The following TSPAN16 variants were observed in gnomAD, a reference collection of about 807,000 sequenced individuals.
TSPAN16 encodes tetraspanin-16.
In TSPAN16, 23 loss-of-function variants were observed where a neutral mutation model predicts 25.2. The observed-to-expected ratio is 0.91, with a 90% CI of 0.66 to 1.29. TSPAN16 has a LOEUF of 1.29. Ranked by LOEUF, TSPAN16 falls within the 50% of genes most tolerant of loss-of-function variation. The pLI is 0.00. For synonymous variants in TSPAN16, 123 were observed against 124.4 expected, an observed-to-expected ratio of 0.99 and a Z score of 0.08; for missense variants, 272 against 299.9, an observed-to-expected ratio of 0.91 and a Z score of 0.69.
intron 3 of TSPAN16, 42 bp from the exon 4 acceptor site, chr19:11,301,159 T>C (rs1308691403): frequency 6.4e-7 from 1 of 1,556,744 alleles, no homozygotes; most frequent in Non-Finnish European, 8.9e-7. Flanking sequence ...CGGGCCACTC[T>C]TGCTAGTTGG....
At chr19:11,311,338 G>A (rs2080689860) in intron 5 of TSPAN16, among the ~76,000 whole-genome samples, 1 of 151,616 alleles carries the variant, frequency 6.6e-6, no homozygotes, top group East Asian at 1.9e-4. Flanking sequence ...GTTTCACCAT[G>A]TTAACCAGTA....
chr19:11,321,126 A>G (rs964660424), intron 6 of TSPAN16, among the ~76,000 whole-genome samples: 11 of 151,558 alleles, frequency 7.3e-5, no homozygotes, highest in East Asian at 1.9e-4. Context: ...CCAAGATGGC[A>G]CCACTGCACT....
chr19:11,310,234 G>A (rs2080675448), intron 5 of TSPAN16, among the ~76,000 whole-genome samples: 2 of 152,026 alleles, frequency 1.3e-5, no homozygotes, highest in Non-Finnish European at 2.9e-5. Context: ...AGTGCAGGAA[G>A]AAGGAAGAAG....
downstream of TSPAN16, among the ~76,000 whole-genome samples, chr19:11,319,154 G>A (rs967357540): frequency 4.6e-5 from 7 of 152,158 alleles, no homozygotes; most frequent in African/African-American, 9.7e-5. Flanking sequence ...ATCAAGTATT[G>A]AGTTCCCAGG....
Position 11,301,191 on chromosome 19 carries a change from T to C in TSPAN16, c.343-10T>C, listed in dbSNP as rs750077627. On this transcript the variant is annotated splice_polypyrimidine_tract_variant and intron_variant, in intron 3 of 6. Coordinates refer to ENST00000590327, the MANE Select transcript of TSPAN16 (RefSeq NM_001282509.2). ...TTGGGGTACTGATCACTTCCTGTCC[T>C]CTCTGTGAGGTTGGAGATGTGGCCT... The C allele has an allele frequency of 3.7e-6, 6 of 1,612,248 alleles. No individual in the cohort carries two copies. The highest frequency in any genetic ancestry group is 4.2e-6 in the Non-Finnish European group (5 of 1,178,578).
chr19:11,325,384 G>A (rs1568298866), intron 6 of TSPAN16: 1 of 1,511,604 alleles, frequency 6.6e-7, no homozygotes, highest in South Asian at 1.2e-5. Flanking sequence ...TGGGTGGGGG[G>A]TTGGGGGCCA....
chr19:11,313,407 A>G (rs548036472), intron 6 of TSPAN16, among the ~76,000 whole-genome samples: 8 of 152,020 alleles, frequency 5.3e-5, no homozygotes, highest in Non-Finnish European at 8.8e-5. Context: ...AGCTGAGATT[A>G]CAGCTGGGAT....
intron 1 of TSPAN16, 80 bp from the exon 2 acceptor site, chr19:11,298,062 A>C: frequency 1.4e-6 from 2 of 1,473,826 alleles, no homozygotes; most frequent in Non-Finnish European, 1.9e-6. Context: ...GATTACAGGC[A>C]TGAGCCACCG....
At chr19:11,297,324 T>C (rs1235937013) in intron 1 of TSPAN16, among the ~76,000 whole-genome samples, 2 of 152,066 alleles carry the variant, frequency 1.3e-5, no homozygotes, top group Non-Finnish European at 2.9e-5. Flanking sequence ...AAAGTGTTAT[T>C]GGAACATGGC....
In TSPAN16 at chr19:11,306,611, G is replaced by A. The variant is rs1234869067; in HGVS notation, c.458G>A (p.Cys153Tyr). 1.2e-5 allele frequency: 20 copies of A among 1,613,486 alleles called. No individual in the cohort carries two copies. Among genetic ancestry groups the A allele is most frequent in the Non-Finnish European group, 1.6e-5 (19 of 1,179,998 alleles). ...TTCTTCTCCTCTCTATAGCTAAAGT[G>A]CTGTGGGGTGAATAACTACACAGAT... ...QWNLVMEKLK[C>Y]CGVNNYTDFS... The change falls in exon 5 of 7, where the codon TGC becomes TAC. Residue 153 changes from cysteine to tyrosine, a missense_variant. Physicochemically the swap from Cys to Tyr is radical, Grantham distance 194. Coordinates refer to ENST00000590327, the MANE Select transcript of TSPAN16 (RefSeq NM_001282509.2).
chr19:11,301,380 C>T lies in TSPAN16; in HGVS notation c.450+72C>T, dbSNP rs1026229277. ...CATGGGCGGGCGAAGTGGCTCACACCTGTAATCCCAGCACTTTGGGAGGCC... is the reference window on the plus strand; with the variant it reads ...CATGGGCGGGCGAAGTGGCTCACACTTGTAATCCCAGCACTTTGGGAGGCC... On this transcript the variant is annotated intron_variant, in intron 4 of 6. Transcript: ENST00000590327. The T allele has an allele frequency of 3.4e-6, 4 of 1,179,644 alleles. No homozygotes were observed. In the Admixed American group the frequency reaches 7.2e-5, roughly 21 times the overall value. The allele number at this position is 1,179,644 out of a possible 1,614,324, so 73.1% of individuals were successfully genotyped here.
chr19:11,298,953 A>T lies in TSPAN16; in HGVS notation c.342+7A>T, dbSNP rs377605065. The T allele has an allele frequency of 6.2e-7, 1 of 1,613,274 alleles. No homozygotes were observed. The highest frequency in any genetic ancestry group is 8.5e-7 in the Non-Finnish European group (1 of 1,179,342). ...CCTTCTTTTCTTTCCAATTGTAAGT[A>T]CAGCCCTGCTCCTCCCACATAGCAT... On this transcript the variant is annotated splice_region_variant and intron_variant, in intron 3 of 6. Transcript: ENST00000590327.
Sources: allele counts gnomAD v4.1 joint callset (sites outside exome capture counted in the v4.1 genomes callset), GRCh38; gene constraint gnomAD v4.1.1; transcripts MANE v1.5; gene names NCBI Gene and HGNC (gene_info 2026-07-23, HGNC 2026-07-21).